The following SGCG variants were observed in gnomAD, a reference collection of about 807,000 sequenced individuals.
SGCG encodes the protein sarcoglycan gamma.
SGCG carries 26 observed loss-of-function variants against 29.3 expected under a neutral mutation model. The ratio of observed to expected loss-of-function variants is 0.89; its 90% confidence interval spans 0.65 to 1.23. The LOEUF (loss-of-function observed/expected upper bound fraction) is 1.23. Ranked by LOEUF, SGCG falls within the 50% of genes most tolerant of loss-of-function variation. SGCG has a pLI of 0.00. For missense variants in SGCG, 353 were observed against 356.0 expected, an observed-to-expected ratio of 0.99 and a Z score of 0.07; for synonymous variants, 145 against 129.7, an observed-to-expected ratio of 1.12 and a Z score of -0.80.
chr13:23,310,105 T>A (rs1383168405), intron 6 of SGCG, among the ~76,000 whole-genome samples: 4 of 81,152 alleles, frequency 4.9e-5, no homozygotes, highest in East Asian at 9.2e-4. Flanking sequence ...TTTTTTTTTT[T>A]AGACGGAGTC....
intron 2 of SGCG, among the ~76,000 whole-genome samples, chr13:23,223,718 A>G (rs962991068): frequency 3.3e-5 from 5 of 152,198 alleles, no homozygotes; most frequent in African/African-American, 1.2e-4. Flanking sequence ...AATCCCAGCC[A>G]GCACTTTGGG....
chr13:23,170,908 TG>T, the SGCG span, among the ~76,000 whole-genome samples: 1 of 152,208 alleles, frequency 6.6e-6, no homozygotes, highest in Non-Finnish European at 1.5e-5. Context: ...CCTAATGACC[TG>T]CATGCATCAT....
Position 23,264,276 on chromosome 13 carries a change from A to G in SGCG, c.385+13559A>G, listed in dbSNP as rs550271845. 9.2e-5 allele frequency among the ~76,000 whole-genome samples: 14 copies of G among 152,252 alleles called. No individual in the cohort carries two copies. The East Asian group carries it at 1.5e-3, about 17-fold the overall frequency. Reference sequence around the variant, plus strand: ...ATGTACACAAATTAGTAGCACTGCTATACACCAACAGCAACCAAGCCGAGA... The same window carrying G: ...ATGTACACAAATTAGTAGCACTGCTGTACACCAACAGCAACCAAGCCGAGA... On this transcript the variant is annotated intron_variant, in intron 4 of 7. Coordinates refer to ENST00000218867, the MANE Select transcript of SGCG (RefSeq NM_000231.3).
chr13:23,323,666 CAGT>C (rs1436608430), intron 7 of SGCG, among the ~76,000 whole-genome samples: 2 of 152,152 alleles, frequency 1.3e-5, no homozygotes, highest in African/African-American at 4.8e-5. Context: ...CCAGAATATC[CAGT>C]AGTTTTCATT....
intron 3 of SGCG, among the ~76,000 whole-genome samples, chr13:23,238,323 CAG>C (rs1431644045): frequency 1.3e-5 from 2 of 152,144 alleles, no homozygotes; most frequent in African/African-American, 4.8e-5. Flanking sequence ...CCAGAGATGG[CAG>C]AGACTTCACC....
At chr13:23,233,206 T>TGTAC (rs1282829992) in intron 2 of SGCG, among the ~76,000 whole-genome samples, 2 of 152,152 alleles carry the variant, frequency 1.3e-5, no homozygotes, top group Non-Finnish European at 2.9e-5. Context: ...AAATATGGTT[T>TGTAC]GTACACACAG....
At chr13:23,241,141 T>A (rs1183780255) in intron 3 of SGCG, among the ~76,000 whole-genome samples, 1 of 109,338 alleles carries the variant, frequency 9.1e-6, no homozygotes. Flanking sequence ...GGAGCGAGAC[T>A]CCATCTCAAA....
At chr13:23,300,423 T>G (rs991103244) in intron 6 of SGCG, among the ~76,000 whole-genome samples, 2 of 152,112 alleles carry the variant, frequency 1.3e-5, no homozygotes, top group East Asian at 3.9e-4. Context: ...GGGAGTGAGA[T>G]TCCAAGTGAT....
At chr13:23,272,705 G>T (rs2137605969) in intron 4 of SGCG, among the ~76,000 whole-genome samples, 1 of 152,168 alleles carries the variant, frequency 6.6e-6, no homozygotes, top group East Asian at 1.9e-4. Flanking sequence ...TCCAGCTTTT[G>T]AAAGTTTGTT....
intron 1 of SGCG, among the ~76,000 whole-genome samples, chr13:23,198,045 T>C (rs1022886668): frequency 2.0e-5 from 3 of 152,316 alleles, no homozygotes; most frequent in South Asian, 2.1e-4. Flanking sequence ...CAGAAAAACA[T>C]TGAAACCAAA....
chr13:23,314,193 G>T (rs9578580), intron 6 of SGCG, among the ~76,000 whole-genome samples: 18,435 of 102,070 alleles, frequency 0.18, 1,344 homozygotes, highest in Middle Eastern at 0.27. Context: ...TATATATAGA[G>T]AGAGAGAGAG....
intron 2 of SGCG, among the ~76,000 whole-genome samples, chr13:23,224,593 A>G (rs1878817979): frequency 6.6e-6 from 1 of 152,042 alleles, no homozygotes; most frequent in African/African-American, 2.4e-5. Flanking sequence ...GTGAGCCTAC[A>G]CTACATGGGC....
intron 3 of SGCG, among the ~76,000 whole-genome samples, chr13:23,242,374 G>A (rs1012574250): frequency 2.6e-5 from 4 of 152,046 alleles, no homozygotes; most frequent in Admixed American, 6.6e-5. Context: ...AACTCCTATA[G>A]CAGTTTTGAT....
chr13:23,181,414 AGATCACCTACT>A (rs1391860766), intron 1 of SGCG, among the ~76,000 whole-genome samples: 1 of 152,228 alleles, frequency 6.6e-6, no homozygotes, highest in Non-Finnish European at 1.5e-5. Flanking sequence ...ATTATCTTTA[AGATCACCTACT>A]TCTAATTCTG....
At chr13:23,300,243 A>G (rs1882100663) in intron 6 of SGCG, among the ~76,000 whole-genome samples, 1 of 152,224 alleles carries the variant, frequency 6.6e-6, no homozygotes, top group South Asian at 2.1e-4. Flanking sequence ...AAGTTTACCT[A>G]GTAAGTGTTT....
At chr13:23,175,681 A>G in the SGCG span, among the ~76,000 whole-genome samples, 1 of 152,050 alleles carries the variant, frequency 6.6e-6, no homozygotes, top group Non-Finnish European at 1.5e-5. Context: ...TTACATATGA[A>G]TTTCTCCCCT....
At position 23,281,288 on chromosome 13, in the gene SGCG, A is replaced by T. The variant is rs140000020; in HGVS notation, c.505+1810A>T. Among the ~76,000 whole-genome samples the T allele has an allele frequency of 7.8e-3, 1,182 of 151,912 alleles. 19 individuals carry two copies. The highest frequency in any genetic ancestry group is 0.026 in the African/African-American group (1,093 of 41,402). On this transcript the variant is annotated intron_variant, in intron 5 of 7. Coordinates refer to ENST00000218867, the MANE Select transcript of SGCG (RefSeq NM_000231.3). ...CTGGGAGGCAGAGGTTGCAGTGAGCAGAGATTGAGCCACTGCACTCCAGCC... is the reference window on the plus strand; with the variant it reads ...CTGGGAGGCAGAGGTTGCAGTGAGCTGAGATTGAGCCACTGCACTCCAGCC...
chr13:23,317,689 T>C (rs1882874067), intron 6 of SGCG, among the ~76,000 whole-genome samples: 1 of 152,196 alleles, frequency 6.6e-6, no homozygotes, highest in Non-Finnish European at 1.5e-5. Flanking sequence ...GGGTTGGGGA[T>C]TGGTGCGTTT....
intron 4 of SGCG, among the ~76,000 whole-genome samples, chr13:23,265,086 A>C (rs535720082): frequency 6.6e-6 from 1 of 152,250 alleles, no homozygotes; most frequent in African/African-American, 2.4e-5. Flanking sequence ...AAACTAAAAA[A>C]CTTCTGCACA....
Sources: gnomAD v4.1 joint callset for allele counts (sites outside exome capture counted in the v4.1 genomes callset) on GRCh38, gnomAD v4.1.1 for gene constraint, MANE v1.5 for transcripts, NCBI Gene and HGNC (gene_info 2026-07-23, HGNC 2026-07-21) for gene names.